The following ECT2L variants were observed in gnomAD, a reference collection of about 807,000 sequenced individuals.
The protein encoded by ECT2L is epithelial cell-transforming sequence 2 oncogene-like.
Under a neutral mutation model 122.8 loss-of-function variants are expected in ECT2L, and 126 were observed. The observed-to-expected ratio is 1.03, with a 90% confidence interval of 0.89 to 1.19. ECT2L has a LOEUF of 1.19. ECT2L is among the 50% of genes most tolerant of loss of function. The pLI is 0.00. For missense variants in ECT2L, 1,012 were observed against 1,064.1 expected (o/e 0.95, Z 0.68); for synonymous variants, 385 against 381.8 (o/e 1.01, Z -0.10).
Position 138,900,968 on chromosome 6 carries a change from A to G in ECT2L, c.2435A>G (p.Asp812Gly). Residue 812 changes from aspartate (D) to glycine (G), a missense_variant, in exon 21 of 22, where the codon GAT becomes GGT. Transcript: ENST00000541398. ...FSLRLYEHIH[D>G]LSLFLFNDAL... ...CACAGGCTCTATGAACACATCCATG[A>G]TCTCAGCCTTTTCCTCTTCAATGAT... 1 of 1,614,124 alleles carries G rather than the reference A, an allele frequency of 6.2e-7. No individual in the cohort carries two copies.
chr6:138,796,796 A>G (rs1001697068), intron 1 of ECT2L, among the ~76,000 whole-genome samples: 1 of 152,246 alleles, frequency 6.6e-6, no homozygotes, highest in Non-Finnish European at 1.5e-5. Flanking sequence ...GTATCAGAAC[A>G]CAATATCCTG....
chr6:138,888,367 A>G (rs1778902083), intron 19 of ECT2L, among the ~76,000 whole-genome samples: 1 of 139,058 alleles, frequency 7.2e-6, no homozygotes, highest in African/African-American at 2.7e-5. Context: ...CCCAGGCTGG[A>G]GTGCAGTGGC....
At chr6:138,796,876 G>A (rs78247900) in intron 1 of ECT2L, among the ~76,000 whole-genome samples, 2 of 152,330 alleles carry the variant, frequency 1.3e-5, no homozygotes, top group East Asian at 3.9e-4. Context: ...CTGTTCTGCA[G>A]GAACTGACAT....
rs1178553468 is a variant in ECT2L at position 138,884,436 on chromosome 6, G to A, written c.2029-1070G>A. Among the ~76,000 whole-genome samples, 4 of 151,898 alleles carry A rather than the reference G, an allele frequency of 2.6e-5. No individual in the cohort carries two copies. The East Asian group carries it at 5.8e-4, about 22-fold the overall frequency. The stretch of plus-strand genomic sequence containing the variant: ...GTGGATCATCTGAGGTCAGGAGTTC[G>A]AGACCAGCCTGGCCAACATGGTGAA... On this transcript the variant is annotated intron_variant, in intron 16 of 21. Coordinates refer to ENST00000541398, the MANE Select transcript of ECT2L (RefSeq NM_001077706.3).
chr6:138,814,743 A>T, intron 4 of ECT2L, 140 bp downstream of exon 4: 1 of 552,052 alleles, frequency 1.8e-6, no homozygotes, highest in Non-Finnish European at 3.1e-6. Flanking sequence ...TTATAAACAG[A>T]CTTTTCCAGT....
chr6:138,854,238 C>A, intron 10 of ECT2L, 84 bp downstream of exon 10: 2 of 1,413,954 alleles, frequency 1.4e-6, no homozygotes, highest in South Asian at 3.3e-5. Flanking sequence ...GCCCCTGGGT[C>A]AAATGATTCA....
chr6:138,835,541 G>A (rs1776803186), intron 4 of ECT2L, among the ~76,000 whole-genome samples: 2 of 144,708 alleles, frequency 1.4e-5, no homozygotes, highest in Admixed American at 1.5e-4. Flanking sequence ...GACAGAGCCA[G>A]GCCCTGTCTC....
intron 19 of ECT2L, among the ~76,000 whole-genome samples, chr6:138,887,214 G>C (rs1480985407): frequency 1.2e-5 from 1 of 86,312 alleles, no homozygotes. Context: ...TGTTCTACTT[G>C]TTTTCTTTTC....
chr6:138,824,466 C>G (rs1040073680), intron 4 of ECT2L, among the ~76,000 whole-genome samples: 2 of 146,886 alleles, frequency 1.4e-5, no homozygotes, highest in African/African-American at 5.0e-5. Flanking sequence ...TGCAGCAGAA[C>G]TCCAACTATC....
At chr6:138,839,113 A>AT (rs2128387410) in intron 5 of ECT2L, among the ~76,000 whole-genome samples, 1 of 152,236 alleles carries the variant, frequency 6.6e-6, no homozygotes, top group South Asian at 2.1e-4. Context: ...AAAATGATTT[A>AT]TGCTTTAGAT....
intron 15 of ECT2L, among the ~76,000 whole-genome samples, chr6:138,882,494 C>A (rs556570252): frequency 1.3e-5 from 2 of 152,270 alleles, no homozygotes; most frequent in South Asian, 4.2e-4. Context: ...TCCTTCACCT[C>A]AAGGAACTGA....
At chr6:138,802,939 G>A (rs935710438) in intron 1 of ECT2L, among the ~76,000 whole-genome samples, 4 of 151,936 alleles carry the variant, frequency 2.6e-5, no homozygotes, top group African/African-American at 9.7e-5. Context: ...AGCCAGGCAT[G>A]GTGGTGTGCA....
chr6:138,813,427 T>C, intron 3 of ECT2L, 87 bp downstream of exon 3: 2 of 988,884 alleles, frequency 2.0e-6, no homozygotes, highest in Non-Finnish European at 3.0e-6. Context: ...GCCACATTTT[T>C]AAAGAAAAAC....
chr6:138,809,117 G>A (rs895055821), intron 1 of ECT2L, among the ~76,000 whole-genome samples: 2 of 152,206 alleles, frequency 1.3e-5, no homozygotes, highest in Non-Finnish European at 2.9e-5. Context: ...AAAGATAGTG[G>A]TAGTGAACAG....
intron 16 of ECT2L, 40 bp downstream of exon 16, chr6:138,882,911 C>T (rs762293863): frequency 1.2e-6 from 2 of 1,602,254 alleles, no homozygotes; most frequent in Non-Finnish European, 1.7e-6. Flanking sequence ...AAGACCTGAG[C>T]TAGAAAGGAA....
At chr6:138,848,225 CA>C (rs1162238020) in intron 8 of ECT2L, among the ~76,000 whole-genome samples, 1 of 152,108 alleles carries the variant, frequency 6.6e-6, no homozygotes, top group East Asian at 1.9e-4. Flanking sequence ...TATCAGTGTG[CA>C]TGTCCAATAA....
At chr6:138,867,141 A>G (rs1371579120) in intron 12 of ECT2L, among the ~76,000 whole-genome samples, 1 of 152,214 alleles carries the variant, frequency 6.6e-6, no homozygotes, top group African/African-American at 2.4e-5. Flanking sequence ...AAAGGAGAAT[A>G]TAGAGGAACT....
At chr6:138,868,308 GCA>G in intron 13 of ECT2L, 102 bp downstream of exon 13, 2 of 921,590 alleles carry the variant, frequency 2.2e-6, no homozygotes, top group Non-Finnish European at 3.2e-6. Context: ...CCCTTTCAGA[GCA>G]CAGTTCCTCA....
At chr6:138,884,055 G>A (rs1238956471) in intron 16 of ECT2L, among the ~76,000 whole-genome samples, 3 of 152,020 alleles carry the variant, frequency 2.0e-5, no homozygotes, top group Admixed American at 2.0e-4. Flanking sequence ...TTGTAGAGAC[G>A]GAGTTTCACC....
Sources: gnomAD v4.1 joint callset for allele counts (sites outside exome capture counted in the v4.1 genomes callset) on GRCh38, gnomAD v4.1.1 for gene constraint, MANE v1.5 for transcripts, NCBI Gene and HGNC (gene_info 2026-07-23, HGNC 2026-07-21) for gene names.